SAMSN1: variants seen among roughly 807,000 people sequenced by gnomAD.
The protein encoded by SAMSN1 is SAM domain-containing protein SAMSN-1.
A neutral mutation model predicts 42.0 loss-of-function variants in SAMSN1; 31 were observed. The ratio of observed to expected loss-of-function variants is 0.74; its 90% CI spans 0.55 to 1.00. The LOEUF (loss-of-function observed/expected upper bound fraction) is 1.00. Among genes scored for constraint, SAMSN1 ranks in the 50% least tolerant of loss-of-function variants. The pLI, the probability that SAMSN1 is intolerant of heterozygous loss-of-function variation, is 0.00. For missense variants in SAMSN1, 464 were observed against 439.4 expected (o/e 1.06, Z -0.50); for synonymous variants, 178 against 151.9 (o/e 1.17, Z -1.26).
rs1425697386 is a variant in SAMSN1 at position 14,555,704 on chromosome 21, A to C, written c.261+26432T>G. On this transcript the variant is annotated intron_variant, in intron 2 of 8. Coordinates refer to the SAMSN1 transcript ENST00000285670. The stretch of plus-strand genomic sequence containing the variant: ...GGAAGAGTTTGCCTTTTCATTCTTT[A>C]TAAACAGGATAAAACAGTCGAAGCT... 3.3e-5 allele frequency among the ~76,000 whole-genome samples: 5 copies of C among 152,198 alleles called. No homozygotes were observed. In the East Asian group the frequency reaches 7.7e-4, roughly 23 times the overall value.
At chr21:14,534,910 T>C (rs928457459) in intron 1 of SAMSN1, among the ~76,000 whole-genome samples, 5 of 152,192 alleles carry the variant, frequency 3.3e-5, no homozygotes, top group Admixed American at 3.3e-4. Flanking sequence ...ACTGCTCTGC[T>C]AGACTGACCC....
intron 1 of SAMSN1, chr21:14,643,153 G>A (rs1009376983): frequency 1.4e-5 from 10 of 716,068 alleles, no homozygotes; most frequent in Non-Finnish European, 2.6e-5. Context: ...AGAGATTTAT[G>A]AGTCAAGGAA....
intron 2 of SAMSN1, among the ~76,000 whole-genome samples, chr21:14,620,212 T>C (rs1352586312): frequency 1.3e-5 from 2 of 152,154 alleles, no homozygotes; most frequent in East Asian, 1.9e-4. Flanking sequence ...AGGCTTTGTG[T>C]CCCCACCCAA....
intron 2 of SAMSN1, among the ~76,000 whole-genome samples, chr21:14,563,633 T>A (rs1001595543): frequency 6.6e-6 from 1 of 152,178 alleles, no homozygotes; most frequent in African/African-American, 2.4e-5. Flanking sequence ...TCTTACCATG[T>A]GAGTGAGCTT....
upstream of SAMSN1, among the ~76,000 whole-genome samples, chr21:14,547,035 C>T (rs1305273601): frequency 4.6e-5 from 7 of 152,046 alleles, no homozygotes; most frequent in Non-Finnish European, 7.4e-5. Flanking sequence ...AATAAATAAA[C>T]AATGTTAGAA....
chr21:14,650,671 AAAT>A (rs1718114980), intron 1 of SAMSN1, among the ~76,000 whole-genome samples: 1 of 152,112 alleles, frequency 6.6e-6, no homozygotes, highest in Admixed American at 6.6e-5. Context: ...AGAAGAAACA[AAAT>A]AATAAAGGTC....
At chr21:14,656,505 A>C (rs1157981228) in intron 1 of SAMSN1, among the ~76,000 whole-genome samples, 1 of 151,820 alleles carries the variant, frequency 6.6e-6, no homozygotes, top group Non-Finnish European at 1.5e-5. Context: ...TGATGAGCTC[A>C]ACAAGAAAAA....
At chr21:14,598,093 A>G (rs1982323282) in intron 6 of SAMSN1, 1 of 152,138 alleles carries the variant, frequency 6.6e-6, no homozygotes. Context: ...AATTAATTCA[A>G]TTAGCAACAC....
exon 1 of SAMSN1, chr21:14,658,761 A>G (rs529447300): frequency 1.4e-6 from 1 of 715,692 alleles, no homozygotes; most frequent in African/African-American, 1.7e-5. Flanking sequence ...CGAAATGCAG[A>G]AAAGATTCAT....
At chr21:14,636,110 A>T (rs455658) in intron 2 of SAMSN1, among the ~76,000 whole-genome samples, 7 of 151,980 alleles carry the variant, frequency 4.6e-5, no homozygotes, top group South Asian at 2.1e-4. Flanking sequence ...TCTATTGCTC[A>T]GAAAACTTAG....
chr21:14,526,283 C>T (rs1275758309), intron 1 of SAMSN1, among the ~76,000 whole-genome samples: 1 of 152,198 alleles, frequency 6.6e-6, no homozygotes, highest in East Asian at 1.9e-4. Context: ...TTCCTAAATT[C>T]ATTTTAATAC....
At chr21:14,518,605 C>A (rs1988024488) in intron 2 of SAMSN1, among the ~76,000 whole-genome samples, 1 of 152,138 alleles carries the variant, frequency 6.6e-6, no homozygotes, top group Non-Finnish European at 1.5e-5. Context: ...GGAAACTTCT[C>A]TTTAGTGAAC....
chr21:14,643,122 C>T (rs1983634673), exon 2 of SAMSN1: 1 of 717,126 alleles, frequency 1.4e-6, no homozygotes, highest in South Asian at 1.5e-5. Context: ...ATAAGCTATC[C>T]ATAGAGCCCT....
At chr21:14,516,545 C>T (rs1297680953) in intron 3 of SAMSN1, among the ~76,000 whole-genome samples, 1 of 152,166 alleles carries the variant, frequency 6.6e-6, no homozygotes, top group Non-Finnish European at 1.5e-5. Context: ...GCGTGCACCA[C>T]CATGCTCAGC....
At chr21:14,606,996 T>A (rs1046543814) in intron 5 of SAMSN1, among the ~76,000 whole-genome samples, 20 of 152,342 alleles carry the variant, frequency 1.3e-4, no homozygotes, top group African/African-American at 4.8e-4. Context: ...AAATATCATT[T>A]TGAAATTGAA....
At chr21:14,548,270 A>G (rs1216126648), upstream of SAMSN1, among the ~76,000 whole-genome samples, 1 of 152,170 alleles carries the variant, frequency 6.6e-6, no homozygotes, top group East Asian at 1.9e-4. Flanking sequence ...AATACCAATA[A>G]AGGACATACT....
At chr21:14,488,435 T>C in intron 7 of SAMSN1, among the ~76,000 whole-genome samples, 1 of 152,194 alleles carries the variant, frequency 6.6e-6, no homozygotes, top group East Asian at 1.9e-4. Flanking sequence ...GCAGAGTCTT[T>C]AAGAACTGTA....
chr21:14,617,384 A>C (rs1982867401), intron 2 of SAMSN1, among the ~76,000 whole-genome samples: 1 of 152,214 alleles, frequency 6.6e-6, no homozygotes, highest in Admixed American at 6.5e-5. Context: ...ATTAGAAGCT[A>C]ATTGTGTTCC....
intron 5 of SAMSN1, among the ~76,000 whole-genome samples, chr21:14,503,219 A>C (rs1204071306): frequency 6.6e-6 from 1 of 152,114 alleles, no homozygotes; most frequent in Admixed American, 6.6e-5. Context: ...GGTCTGACAA[A>C]TCAGGTAGGA....
Sources: allele counts gnomAD v4.1 joint callset (sites outside exome capture counted in the v4.1 genomes callset), GRCh38; gene constraint gnomAD v4.1.1; transcripts MANE v1.5; gene names NCBI Gene and HGNC (gene_info 2026-07-23, HGNC 2026-07-21).